Variants in TMEM132C observed in about 807,000 individuals in gnomAD.
TMEM132C encodes protein phosphatase 1, regulatory subunit 152.
A neutral mutation model predicts 61.4 loss-of-function variants in TMEM132C; 29 were observed. The observed-to-expected ratio is 0.47, with a 90% CI of 0.35 to 0.64. The LOEUF is 0.64. Among genes scored for constraint, TMEM132C ranks in the 30% least tolerant of loss-of-function variants. The pLI is 0.00. For missense variants in TMEM132C, 1,408 were observed against 1,476.9 expected (o/e 0.95, Z 0.76); for synonymous variants, 656 against 633.1 (o/e 1.04, Z -0.54).
At chr12:128,592,783 G>A (rs754890410) in intron 3 of TMEM132C, among the ~76,000 whole-genome samples, 2 of 152,330 alleles carry the variant, frequency 1.3e-5, no homozygotes, top group Middle Eastern at 6.8e-3. Flanking sequence ...TTTTCTTATG[G>A]GCCATTTAAC....
At chr12:128,271,737 T>C (rs1870529423) in intron 1 of TMEM132C, among the ~76,000 whole-genome samples, 1 of 152,220 alleles carries the variant, frequency 6.6e-6, no homozygotes, top group Non-Finnish European at 1.5e-5. Flanking sequence ...CTCTTCTTCG[T>C]TCATCTCACT....
chr12:128,576,172 C>T (rs1875085078), intron 3 of TMEM132C, among the ~76,000 whole-genome samples: 1 of 151,794 alleles, frequency 6.6e-6, no homozygotes, highest in Admixed American at 6.6e-5. Flanking sequence ...GGAGAATCAC[C>T]TGAACCAGAA....
At chr12:128,429,448 T>C (rs1230669053) in intron 2 of TMEM132C, among the ~76,000 whole-genome samples, 1 of 152,196 alleles carries the variant, frequency 6.6e-6, no homozygotes, top group East Asian at 1.9e-4. Context: ...GCCACCGTGC[T>C]TCTCTGTGGA....
intron 1 of TMEM132C, among the ~76,000 whole-genome samples, chr12:128,342,040 G>T (rs1476691518): frequency 2.0e-5 from 3 of 149,654 alleles, no homozygotes; most frequent in African/African-American, 7.4e-5. Context: ...ATGGAGTCTC[G>T]CTCTGTCGCC....
At chr12:128,383,047 C>A (rs1009356111) in intron 1 of TMEM132C, among the ~76,000 whole-genome samples, 1 of 151,594 alleles carries the variant, frequency 6.6e-6, no homozygotes, top group East Asian at 1.9e-4. Context: ...TGTGTGTGCA[C>A]GTGAGCATCT....
At chr12:128,632,398 A>G (rs1954071263) in intron 4 of TMEM132C, among the ~76,000 whole-genome samples, 1 of 152,218 alleles carries the variant, frequency 6.6e-6, no homozygotes, top group Non-Finnish European at 1.5e-5. Flanking sequence ...CTCCATGTTC[A>G]TAGGAAATTG....
chr12:128,293,185 T>C (rs868771545), intron 1 of TMEM132C, among the ~76,000 whole-genome samples: 20 of 152,158 alleles, frequency 1.3e-4, no homozygotes, highest in Non-Finnish European at 2.6e-4. Flanking sequence ...TCTGGTCTCA[T>C]TTTGCACCTC....
chr12:128,479,510 A>C (rs576374163), intron 2 of TMEM132C, among the ~76,000 whole-genome samples: 2 of 152,368 alleles, frequency 1.3e-5, no homozygotes, highest in South Asian at 4.1e-4. Context: ...GACAAGTGCA[A>C]ATCATACAAA....
intron 3 of TMEM132C, among the ~76,000 whole-genome samples, chr12:128,600,901 TTCTAGTCTTAGCAGTTAGTGCTACC>T (rs1876161879): frequency 6.6e-6 from 1 of 152,182 alleles, no homozygotes; most frequent in Non-Finnish European, 1.5e-5. Flanking sequence ...CCCCAGGGCC[TTCTAGTCTTAGCAGTTAGTGCTACC>T]ACAGAGACCC....
At chr12:128,624,287 T>A (rs1178800435) in intron 4 of TMEM132C, among the ~76,000 whole-genome samples, 7 of 152,206 alleles carry the variant, frequency 4.6e-5, no homozygotes, top group African/African-American at 1.7e-4. Flanking sequence ...GGCTCAGGCC[T>A]GTAATCCCAG....
intron 4 of TMEM132C, among the ~76,000 whole-genome samples, chr12:128,621,470 CA>C (rs1953961828): frequency 6.6e-6 from 1 of 152,114 alleles, no homozygotes; most frequent in African/African-American, 2.4e-5. Context: ...ACCCCGTAGC[CA>C]AGGGAAGCAA....
intron 1 of TMEM132C, among the ~76,000 whole-genome samples, chr12:128,342,731 T>C (rs968619754): frequency 1.3e-5 from 2 of 152,224 alleles, no homozygotes; most frequent in African/African-American, 2.4e-5. Context: ...GAAGGAATTC[T>C]GCTGCCTGGA....
chr12:128,416,597 C>T (rs1593045840), intron 2 of TMEM132C, among the ~76,000 whole-genome samples: 1 of 152,270 alleles, frequency 6.6e-6, no homozygotes, highest in East Asian at 1.9e-4. Context: ...GAATGATAGC[C>T]TATCATAGCA....
intron 2 of TMEM132C, among the ~76,000 whole-genome samples, chr12:128,475,011 A>C (rs1016758983): frequency 2.0e-5 from 3 of 152,160 alleles, no homozygotes; most frequent in Non-Finnish European, 4.4e-5. Context: ...CAGAGCACAG[A>C]ATCCAGTGCC....
intron 4 of TMEM132C, among the ~76,000 whole-genome samples, chr12:128,657,623 A>G (rs1954339465): frequency 6.6e-6 from 1 of 152,128 alleles, no homozygotes; most frequent in African/African-American, 2.4e-5. Context: ...CCCACACCTC[A>G]GTTTGAGCAC....
intron 1 of TMEM132C, among the ~76,000 whole-genome samples, chr12:128,413,472 C>T (rs535157151): frequency 6.6e-6 from 1 of 151,890 alleles, no homozygotes; most frequent in South Asian, 2.1e-4. Flanking sequence ...TACCGCTTTT[C>T]ATTCTCAGCA....
At chr12:128,648,285 T>C (rs1158670442) in intron 4 of TMEM132C, among the ~76,000 whole-genome samples, 1 of 151,600 alleles carries the variant, frequency 6.6e-6, no homozygotes, top group Non-Finnish European at 1.5e-5. Flanking sequence ...TGGATATGAG[T>C]GTGTTTACTG....
intron 4 of TMEM132C, among the ~76,000 whole-genome samples, chr12:128,647,534 CCAT>C (rs1354937113): frequency 3.9e-4 from 59 of 151,676 alleles, no homozygotes; most frequent in African/African-American, 1.4e-3. Context: ...TTACTGGGGT[CCAT>C]CAGCGTTTGA....
intron 1 of TMEM132C, among the ~76,000 whole-genome samples, chr12:128,275,560 G>A (rs985163586): frequency 6.6e-6 from 1 of 152,072 alleles, no homozygotes; most frequent in African/African-American, 2.4e-5. Context: ...TAATAATAGA[G>A]ATAAAATGCA....
Sources: gnomAD v4.1 joint callset for allele counts (sites outside exome capture counted in the v4.1 genomes callset) on GRCh38, gnomAD v4.1.1 for gene constraint, MANE v1.5 for transcripts, NCBI Gene and HGNC (gene_info 2026-07-23, HGNC 2026-07-21) for gene names.